Variants in SNTG2 observed in about 807,000 individuals in gnomAD.
SNTG2 encodes the protein gamma-2-syntrophin.
Under a neutral mutation model 70.9 loss-of-function variants are expected in SNTG2, and 74 were observed. The ratio of observed to expected loss-of-function variants is 1.04; its 90% CI spans 0.86 to 1.27. The LOEUF (loss-of-function observed/expected upper bound fraction) is 1.27, where lower values mean the gene tolerates loss of function less well. Among genes scored for constraint, SNTG2 ranks in the 50% most tolerant of loss-of-function variants. The pLI is 0.00. For synonymous variants in SNTG2, 278 were observed against 273.8 expected (o/e 1.02, Z -0.15); for missense variants, 717 against 690.7 (o/e 1.04, Z -0.43).
chr2:1,116,248 T>C (rs951754766), intron 4 of SNTG2, among the ~76,000 whole-genome samples: 4 of 152,200 alleles, frequency 2.6e-5, no homozygotes, highest in East Asian at 1.9e-4. Context: ...ATTGAAAAGA[T>C]TGTGTGAGTC....
intron 1 of SNTG2, among the ~76,000 whole-genome samples, chr2:1,038,533 T>C (rs1406864630): frequency 1.3e-5 from 2 of 152,222 alleles, no homozygotes; most frequent in African/African-American, 4.8e-5. Flanking sequence ...TTTGGCAGCA[T>C]CCAAATTAAC....
intron 6 of SNTG2, among the ~76,000 whole-genome samples, chr2:1,156,567 C>T (rs980241721): frequency 7.2e-5 from 11 of 152,160 alleles, no homozygotes; most frequent in Non-Finnish European, 1.0e-4. Context: ...CAGCACTTAA[C>T]GTTTTTCTCC....
chr2:963,956 T>C (rs1412478333), intron 1 of SNTG2, among the ~76,000 whole-genome samples: 3 of 152,212 alleles, frequency 2.0e-5, no homozygotes, highest in Non-Finnish European at 2.9e-5. Flanking sequence ...AAAGTGACCG[T>C]GTCTCTCATT....
At chr2:1,238,108 C>A (rs970768978) in intron 10 of SNTG2, 91 bp downstream of exon 10, 18 of 1,446,140 alleles carry the variant, frequency 1.2e-5, no homozygotes, top group African/African-American at 8.4e-5. Flanking sequence ...TTATGATTAA[C>A]CCGAAACAGA....
At chr2:1,113,188 C>T (rs1303801479) in intron 4 of SNTG2, among the ~76,000 whole-genome samples, 1 of 149,614 alleles carries the variant, frequency 6.7e-6, no homozygotes, top group Non-Finnish European at 1.5e-5. Context: ...CCTTACAGTC[C>T]TTTGAGAAGG....
chr2:1,287,639 G>A (rs550509104), intron 14 of SNTG2, among the ~76,000 whole-genome samples: 1 of 152,218 alleles, frequency 6.6e-6, no homozygotes, highest in Non-Finnish European at 1.5e-5. Flanking sequence ...GACGCTGAAC[G>A]AGGAAACCCT....
At chr2:1,349,619 T>G (rs896619171) in intron 16 of SNTG2, among the ~76,000 whole-genome samples, 1 of 152,250 alleles carries the variant, frequency 6.6e-6, no homozygotes, top group African/African-American at 2.4e-5. Context: ...GGCCATCAGC[T>G]TGTGAGGTTA....
rs138436197 is a variant in SNTG2 at position 1,313,836 on chromosome 2, G to C, written c.1378-2429G>C. 5.0e-3 allele frequency among the ~76,000 whole-genome samples: 759 copies of C among 152,226 alleles called. 9 individuals carry two copies. The highest frequency in any genetic ancestry group is 0.017 in the African/African-American group (715 of 41,548). On this transcript the variant is annotated intron_variant, in intron 15 of 16. Transcript: ENST00000308624. ...CGAGATCCTTGTCCTCCATCACCCA[G>C]ACAAGAGCTAGATGGTAAAATTAGG... is the stretch of plus-strand genomic sequence containing the variant.
intron 1 of SNTG2, among the ~76,000 whole-genome samples, chr2:1,071,189 G>T (rs946234835): frequency 6.6e-6 from 1 of 151,920 alleles, no homozygotes; most frequent in Non-Finnish European, 1.5e-5. Context: ...CTGCTATAAA[G>T]ACACATGCAC....
At position 1,163,366 on chromosome 2, in the gene SNTG2, C is replaced by T. The variant is rs568776387; in HGVS notation, c.412-2182C>T. On this transcript the variant is annotated intron_variant, in intron 6 of 16. Coordinates refer to ENST00000308624, the MANE Select transcript of SNTG2 (RefSeq NM_018968.4). ...AGGAAGTGGGTGTGTGAAGTCTTCCCAACAGGAAGTGAGTGTGTGAAGCAT... is the reference window on the plus strand; with the variant it reads ...AGGAAGTGGGTGTGTGAAGTCTTCCTAACAGGAAGTGAGTGTGTGAAGCAT... 3.5e-5 allele frequency: 5 copies of T among 144,480 alleles called. No homozygotes were observed. The East Asian group carries it at 8.3e-4, about 24-fold the overall frequency. The allele number at this position is 144,480 out of a possible 1,614,324, so 8.9% of individuals were successfully genotyped here.
At chr2:1,305,016 T>C (rs931944459) in intron 14 of SNTG2, among the ~76,000 whole-genome samples, 2 of 152,128 alleles carry the variant, frequency 1.3e-5, no homozygotes, top group African/African-American at 2.4e-5. Flanking sequence ...TTTTTTTTTT[T>C]CTTGAACTCA....
chr2:1,116,756 G>A (rs1667017021), intron 4 of SNTG2, among the ~76,000 whole-genome samples: 1 of 146,310 alleles, frequency 6.8e-6, no homozygotes, highest in Non-Finnish European at 1.5e-5. Context: ...GTGCCGTGGT[G>A]TGTCAGTGCC....
chr2:957,677 A>T (rs1046136209), intron 1 of SNTG2, among the ~76,000 whole-genome samples: 1 of 152,008 alleles, frequency 6.6e-6, no homozygotes, highest in Non-Finnish European at 1.5e-5. Flanking sequence ...GTCGGGCAAC[A>T]TTTGTCTTCC....
intron 14 of SNTG2, among the ~76,000 whole-genome samples, chr2:1,286,751 T>C (rs1296096366): frequency 6.6e-6 from 1 of 152,204 alleles, no homozygotes; most frequent in East Asian, 1.9e-4. Context: ...AATGGTGCCA[T>C]ATTGAGGGCT....
intron 1 of SNTG2, among the ~76,000 whole-genome samples, chr2:1,067,742 C>T (rs1468382380): frequency 6.6e-6 from 1 of 152,150 alleles, no homozygotes; most frequent in African/African-American, 2.4e-5. Flanking sequence ...TAAGGGCACC[C>T]ATTTATTTTT....
chr2:1,352,539 G>A (rs1401339089), intron 16 of SNTG2, among the ~76,000 whole-genome samples: 1 of 152,238 alleles, frequency 6.6e-6, no homozygotes, highest in African/African-American at 2.4e-5. Context: ...TCAGGGTGGA[G>A]CCTGAGATTC....
At chr2:1,250,652 C>T (rs1203156591) in intron 12 of SNTG2, among the ~76,000 whole-genome samples, 1 of 150,922 alleles carries the variant, frequency 6.6e-6, no homozygotes, top group Non-Finnish European at 1.5e-5. Flanking sequence ...CCTTCTCTGC[C>T]CTCTTTGCTC....
chr2:1,038,518 T>G (rs1407151199), intron 1 of SNTG2, among the ~76,000 whole-genome samples: 2 of 152,216 alleles, frequency 1.3e-5, no homozygotes. Flanking sequence ...TTCCTTTTGT[T>G]CATGTTTGGC....
intron 16 of SNTG2, among the ~76,000 whole-genome samples, chr2:1,364,737 C>CAAAAAAAAAAA (rs371977526): frequency 1.5e-5 from 2 of 132,012 alleles, no homozygotes; most frequent in African/African-American, 2.9e-5. Flanking sequence ...CTAAAAATAC[C>CAAAAAAAAAAA]AAAAAAAAAA....
Sources: gnomAD v4.1 joint callset for allele counts (sites outside exome capture counted in the v4.1 genomes callset) on GRCh38, gnomAD v4.1.1 for gene constraint, MANE v1.5 for transcripts, NCBI Gene and HGNC (gene_info 2026-07-23, HGNC 2026-07-21) for gene names.